Variants in MICU1 observed in about 807,000 individuals in gnomAD.
MICU1 encodes the protein mitochondrial calcium uptake 1.
MICU1 carries 45 observed loss-of-function variants against 56.8 expected under a neutral mutation model. That is an observed-to-expected ratio of 0.79 (90% CI 0.62 to 1.02). The LOEUF (loss-of-function observed/expected upper bound fraction) is 1.02. Among genes scored for constraint, MICU1 ranks in the 50% least tolerant of loss-of-function variants. The probability of loss-of-function intolerance (pLI) is 0.00; values close to 1 mark genes in which losing one functional copy is unlikely to be tolerated. For synonymous variants in MICU1, 186 were observed against 195.1 expected, an observed-to-expected ratio of 0.95 and a Z score of 0.39; for missense variants, 504 against 587.1, an observed-to-expected ratio of 0.86 and a Z score of 1.46.
intron 1 of MICU1, among the ~76,000 whole-genome samples, chr10:72,581,343 A>C (rs975830289): frequency 6.6e-6 from 1 of 152,204 alleles, no homozygotes; most frequent in African/African-American, 2.4e-5. Flanking sequence ...TTTAAGACTT[A>C]ATGAGGCCAG....
intron 6 of MICU1, among the ~76,000 whole-genome samples, chr10:72,482,189 C>A (rs554671271): frequency 6.6e-6 from 1 of 152,218 alleles, no homozygotes; most frequent in East Asian, 1.9e-4. Flanking sequence ...AGGAATGGTA[C>A]GGGTAGGAAT....
At chr10:72,569,237 A>ATATATATATATATATATTTTTT in intron 1 of MICU1, among the ~76,000 whole-genome samples, 2 of 34,376 alleles carry the variant, frequency 5.8e-5, no homozygotes, top group African/African-American at 1.1e-4. Flanking sequence ...ATATATATAT[A>ATATATATATATATATATTTTTT]TTTTTTTTTT....
At chr10:72,595,207 T>C (rs757436435) in intron 1 of MICU1, among the ~76,000 whole-genome samples, 2 of 144,568 alleles carry the variant, frequency 1.4e-5, no homozygotes, top group African/African-American at 2.4e-5. Context: ...TCTTAGCACT[T>C]CGGGGAGGCC....
intron 10 of MICU1, among the ~76,000 whole-genome samples, chr10:72,398,813 CAAA>C (rs1432641719): frequency 1.3e-5 from 2 of 151,734 alleles, no homozygotes; most frequent in South Asian, 4.2e-4. Flanking sequence ...GCCTACCAAC[CAAA>C]AAAAAGTCCA....
At chr10:72,511,975 C>T (rs1564911320) in intron 5 of MICU1, among the ~76,000 whole-genome samples, 1 of 152,012 alleles carries the variant, frequency 6.6e-6, no homozygotes, top group Non-Finnish European at 1.5e-5. Context: ...CCCTAACACC[C>T]AAAATAATGC....
At position 72,407,669 on chromosome 10, in the gene MICU1, C is replaced by G. The variant is rs1036545673; in HGVS notation, c.1180+260G>C. On this transcript the variant is annotated intron_variant, in intron 10 of 11. Coordinates refer to ENST00000361114, the MANE Select transcript of MICU1 (RefSeq NM_001195518.2). ...TTCTGCAGCTTCATGCCCTGTGCCT[C>G]AGCTTAGATGCTTATTTTCAAGGTT... Among the ~76,000 whole-genome samples the G allele has an allele frequency of 3.9e-4, 59 of 152,294 alleles. 2 individuals are homozygous for G. Among genetic ancestry groups the G allele is most frequent in the Admixed American group, 2.6e-3 (40 of 15,288 alleles).
chr10:72,600,101 G>A (rs1290104710), intron 1 of MICU1, among the ~76,000 whole-genome samples: 1 of 151,932 alleles, frequency 6.6e-6, no homozygotes, highest in East Asian at 1.9e-4. Context: ...AGACCAGTCT[G>A]GCCAACATGG....
chr10:72,378,318 G>C (rs113959701), intron 10 of MICU1, among the ~76,000 whole-genome samples: 3 of 152,280 alleles, frequency 2.0e-5, no homozygotes, highest in African/African-American at 7.2e-5. Context: ...CCCAGTGTTG[G>C]AGGAGGGGCC....
intron 8 of MICU1, among the ~76,000 whole-genome samples, chr10:72,461,022 T>C (rs1476671477): frequency 6.6e-6 from 1 of 152,154 alleles, no homozygotes; most frequent in Non-Finnish European, 1.5e-5. Flanking sequence ...CATCATTTTG[T>C]CCAAGCTGAT....
intron 1 of MICU1, among the ~76,000 whole-genome samples, chr10:72,621,051 C>T (rs1842092723): frequency 6.6e-6 from 1 of 151,822 alleles, no homozygotes; most frequent in Non-Finnish European, 1.5e-5. Context: ...AGTGAGACCC[C>T]GTTTCTACAG....
intron 10 of MICU1, among the ~76,000 whole-genome samples, chr10:72,396,794 C>A (rs531043663): frequency 6.6e-6 from 1 of 152,008 alleles, no homozygotes; most frequent in Non-Finnish European, 1.5e-5. Flanking sequence ...GTGCAAAGAC[C>A]AAATCTACAT....
chr10:72,595,708 T>G, intron 1 of MICU1, among the ~76,000 whole-genome samples: 1 of 149,546 alleles, frequency 6.7e-6, no homozygotes, highest in Non-Finnish European at 1.5e-5. Flanking sequence ...AGTAAACCTG[T>G]GAAGCATGCC....
At chr10:72,396,426 G>A (rs1241716834) in intron 10 of MICU1, among the ~76,000 whole-genome samples, 2 of 152,192 alleles carry the variant, frequency 1.3e-5, no homozygotes, top group African/African-American at 2.4e-5. Context: ...AAAGCTAGAC[G>A]GAGAATGACT....
chr10:72,395,923 G>A (rs1863241180), intron 10 of MICU1, among the ~76,000 whole-genome samples: 1 of 152,224 alleles, frequency 6.6e-6, no homozygotes, highest in Non-Finnish European at 1.5e-5. Context: ...GAAGAGAGCA[G>A]TTGTTCTCCC....
intron 8 of MICU1, among the ~76,000 whole-genome samples, chr10:72,472,045 C>T (rs536252595): frequency 2.6e-5 from 4 of 152,064 alleles, no homozygotes; most frequent in South Asian, 2.1e-4. Context: ...ATCTGTTTTC[C>T]ATAGGGTAAA....
At chr10:72,484,370 A>T (rs547797161) in intron 6 of MICU1, among the ~76,000 whole-genome samples, 25 of 150,650 alleles carry the variant, frequency 1.7e-4, no homozygotes, top group African/African-American at 3.2e-4. Flanking sequence ...ACACAGAATT[A>T]AAAAAAAAAT....
At chr10:72,487,097 T>G (rs1866498947) in intron 6 of MICU1, among the ~76,000 whole-genome samples, 1 of 152,142 alleles carries the variant, frequency 6.6e-6, no homozygotes, top group Admixed American at 6.5e-5. Flanking sequence ...AATCAGCAGT[T>G]TACAAAGGGA....
intron 10 of MICU1, among the ~76,000 whole-genome samples, chr10:72,397,847 C>A (rs1027609902): frequency 2.0e-5 from 3 of 152,146 alleles, no homozygotes; most frequent in African/African-American, 7.2e-5. Context: ...GACTTTAACA[C>A]CCCACTGTCA....
chr10:72,375,164 G>C (rs1038784447), intron 11 of MICU1, among the ~76,000 whole-genome samples: 3 of 152,068 alleles, frequency 2.0e-5, no homozygotes, highest in African/African-American at 7.2e-5. Context: ...ACAATACCTA[G>C]GTCAGAAGAT....
Sources: allele counts gnomAD v4.1 joint callset (sites outside exome capture counted in the v4.1 genomes callset), GRCh38; gene constraint gnomAD v4.1.1; transcripts MANE v1.5; gene names NCBI Gene and HGNC (gene_info 2026-07-23, HGNC 2026-07-21).